The following DGKH variants were observed in gnomAD, a reference collection of about 807,000 sequenced individuals.
DGKH encodes diacylglycerol kinase eta, also known as DAG kinase eta.
A neutral mutation model predicts 159.3 loss-of-function variants in DGKH; 90 were observed. That is an observed-to-expected ratio of 0.57 (90% CI 0.48 to 0.67). The LOEUF (loss-of-function observed/expected upper bound fraction) is 0.67, where lower values mean the gene tolerates loss of function less well. Ranked by LOEUF, DGKH falls within the 30% of genes least tolerant of loss-of-function variation. The pLI is 0.00. For synonymous variants in DGKH, 536 were observed against 553.8 expected (o/e 0.97, Z 0.45); for missense variants, 1,181 against 1,506.1 (o/e 0.78, Z 3.57).
rs557572628 is a variant in DGKH at position 42,242,205 on chromosome 13, T to C, written c.*13017T>C. 6.6e-6 allele frequency: 1 copy of C among 152,378 alleles called. No individual in the cohort carries two copies. Among genetic ancestry groups the C allele is most frequent in the South Asian group, 2.1e-4 (1 of 4,834 alleles). The allele number at this position is 152,378 out of a possible 1,614,324, so 9.4% of individuals were successfully genotyped here. On this transcript the variant is annotated 3_prime_UTR_variant, in exon 30 of 30. Transcript: ENST00000337343. ...CAGAAATCATTTGCCTCTTGTTTAT[T>C]ATCATGTTGAAAACACAACAGTATA...
chr13:42,103,486 TC>T (rs1274352240), intron 1 of DGKH, among the ~76,000 whole-genome samples: 1 of 152,198 alleles, frequency 6.6e-6, no homozygotes, highest in Non-Finnish European at 1.5e-5. Context: ...CTGACTCACT[TC>T]CCTCTGCGAT....
intron 1 of DGKH, among the ~76,000 whole-genome samples, chr13:42,088,735 T>G (rs1014818171): frequency 2.0e-5 from 3 of 152,188 alleles, no homozygotes; most frequent in Admixed American, 6.5e-5. Flanking sequence ...GAGACCAATA[T>G]TAAACAGCAA....
rs375482961 is a variant in DGKH at position 42,160,161 on chromosome 13, C to T, written c.855+25C>T. 4.1e-5 allele frequency: 66 copies of T among 1,613,832 alleles called. 1 individual carries two copies. The African/African-American group carries it at 8.1e-4, about 20-fold the overall frequency. On this transcript the variant is annotated intron_variant, in intron 7 of 29. Transcript: ENST00000337343. ...GGTGAGGGTTTTGGAATCAGTTCATCCTTTTTAATTAGCTTCTTTCCCTAA... is the reference window on the plus strand; with the variant it reads ...GGTGAGGGTTTTGGAATCAGTTCATTCTTTTTAATTAGCTTCTTTCCCTAA...
At chr13:42,207,133 C>A (rs1566192617) in intron 21 of DGKH, among the ~76,000 whole-genome samples, 16 of 29,320 alleles carry the variant, frequency 5.5e-4, no homozygotes, top group Non-Finnish European at 8.7e-4. Flanking sequence ...CTCCTTCCTT[C>A]CTTCCTTCCT....
At chr13:42,165,846 T>G (rs1246136954) in intron 8 of DGKH, among the ~76,000 whole-genome samples, 1 of 152,148 alleles carries the variant, frequency 6.6e-6, no homozygotes. Context: ...AATGCACTTT[T>G]CCCAAAATCT....
Position 42,127,401 on chromosome 13 carries a change from T to C in DGKH, c.193-62T>C. ...GTTAATGAAAATGCACCATTGGCTC[T>C]GAATTTCATTTGGTTTTGAATTTCA... On this transcript the variant is annotated intron_variant, in intron 1 of 29. Transcript: ENST00000337343. 4.9e-6 allele frequency: 6 copies of C among 1,236,088 alleles called. No individual in the cohort carries two copies. In the South Asian group the frequency reaches 7.5e-5, roughly 15 times the overall value. 76.6% of individuals were successfully genotyped at this position (1,236,088 alleles called of 1,614,324 possible).
chr13:42,188,949 A>G, intron 14 of DGKH, 87 bp from the exon 15 acceptor site: 1 of 1,463,326 alleles, frequency 6.8e-7, no homozygotes. Flanking sequence ...TAAACTTTCA[A>G]AACATCTCTA....
At chr13:42,180,172 C>T (rs2138066348) in intron 13 of DGKH, among the ~76,000 whole-genome samples, 1 of 152,334 alleles carries the variant, frequency 6.6e-6, no homozygotes, top group East Asian at 1.9e-4. Flanking sequence ...ACATTTGATT[C>T]ACAGGGCAAG....
At chr13:42,167,838 T>A (rs1566151594) in intron 9 of DGKH, among the ~76,000 whole-genome samples, 1 of 152,212 alleles carries the variant, frequency 6.6e-6, no homozygotes, top group Non-Finnish European at 1.5e-5. Flanking sequence ...TGAAACTTCC[T>A]GAGATTGTCC....
intron 1 of DGKH, among the ~76,000 whole-genome samples, chr13:42,126,956 G>A (rs931329177): frequency 2.6e-5 from 4 of 152,128 alleles, no homozygotes; most frequent in African/African-American, 9.7e-5. Flanking sequence ...CCTTTAACGT[G>A]TTTTTCATTT....
intron 1 of DGKH, among the ~76,000 whole-genome samples, chr13:42,072,461 T>G (rs1434310602): frequency 6.6e-6 from 1 of 152,152 alleles, no homozygotes; most frequent in African/African-American, 2.4e-5. Context: ...ATTATTGTAT[T>G]GATGTTAAAA....
intron 1 of DGKH, among the ~76,000 whole-genome samples, chr13:42,101,227 A>C (rs1296796829): frequency 6.6e-6 from 1 of 152,176 alleles, no homozygotes; most frequent in African/African-American, 2.4e-5. Flanking sequence ...TCTTTAGTTC[A>C]TTGACTTACA....
intron 14 of DGKH, among the ~76,000 whole-genome samples, chr13:42,188,580 G>A (rs1363419415): frequency 6.6e-6 from 1 of 152,038 alleles, no homozygotes; most frequent in African/African-American, 2.4e-5. Flanking sequence ...TTGATCCAAT[G>A]TTTTGTGTAA....
intron 3 of DGKH, among the ~76,000 whole-genome samples, chr13:42,134,800 C>A (rs761896803): frequency 1.3e-5 from 2 of 151,886 alleles, no homozygotes; most frequent in Non-Finnish European, 2.9e-5. Flanking sequence ...GCTAGGCGAA[C>A]CCCCCTTGTC....
Position 42,199,794 on chromosome 13 carries a change from T to C in DGKH, c.2397-19T>C. ...ATAAATAAAATTTCCTGAAATTGCCTGCCAATATTTATTTTCAGGAGCCGA... is the reference window on the plus strand; with the variant it reads ...ATAAATAAAATTTCCTGAAATTGCCCGCCAATATTTATTTTCAGGAGCCGA... On this transcript the variant is annotated intron_variant, in intron 19 of 29. Coordinates refer to ENST00000337343, the MANE Select transcript of DGKH (RefSeq NM_178009.5). 1 of 1,590,688 alleles carries C rather than the reference T, an allele frequency of 6.3e-7. No homozygotes were observed. The highest frequency in any genetic ancestry group is 8.5e-7 in the Non-Finnish European group (1 of 1,173,008).
Position 42,233,013 on chromosome 13 carries a change from C to G in DGKH, c.*3825C>G, listed in dbSNP as rs1263967246. The G allele has an allele frequency of 6.6e-6, 1 of 152,220 alleles. No homozygotes were observed. Among genetic ancestry groups the G allele is most frequent in the African/African-American group, 2.4e-5 (1 of 41,432 alleles). The allele number at this position is 152,220 out of a possible 1,614,324, so 9.4% of individuals were successfully genotyped here. A position where few individuals can be genotyped will look rare whatever the true frequency, so the allele number is the denominator to read the frequency against. Reference sequence around the variant, plus strand: ...AGGCATGGTGGCATGCGCCTGTAGTCCCAGCTATTCTGAAGGCTGAGGTGG... The same window carrying G: ...AGGCATGGTGGCATGCGCCTGTAGTGCCAGCTATTCTGAAGGCTGAGGTGG... On this transcript the variant is annotated 3_prime_UTR_variant, in exon 30 of 30. Coordinates refer to ENST00000337343, the MANE Select transcript of DGKH (RefSeq NM_178009.5).
chr13:42,214,692 A>G, intron 25 of DGKH, 80 bp downstream of exon 25: 1 of 1,322,454 alleles, frequency 7.6e-7, no homozygotes, highest in South Asian at 1.6e-5. Context: ...AAAATATGCC[A>G]CGCCCTGTGA....
rs866525346 is a variant in DGKH, at chr13:42,183,918, C to T, written c.1539-3131C>T. ...TAATTAGGTTTTTTACTTACGCACTCTACTCACCCCCCAAGTTTTGAAATA... is the reference window on the plus strand; with the variant it reads ...TAATTAGGTTTTTTACTTACGCACTTTACTCACCCCCCAAGTTTTGAAATA... On this transcript the variant is annotated intron_variant, in intron 13 of 29. Coordinates refer to ENST00000337343, the MANE Select transcript of DGKH (RefSeq NM_178009.5). Among the ~76,000 whole-genome samples, 2 of 152,328 alleles carry T rather than the reference C, an allele frequency of 1.3e-5. 1 individual carries two copies. Among genetic ancestry groups the T allele is most frequent in the South Asian group, 4.1e-4 (2 of 4,828 alleles).
At chr13:42,101,319 A>C (rs1200177425) in intron 1 of DGKH, among the ~76,000 whole-genome samples, 1 of 152,232 alleles carries the variant, frequency 6.6e-6, no homozygotes, top group Non-Finnish European at 1.5e-5. Context: ...GCACCAAATG[A>C]TACAGCATTA....
Sources: gnomAD v4.1 joint callset for allele counts (sites outside exome capture counted in the v4.1 genomes callset) on GRCh38, gnomAD v4.1.1 for gene constraint, MANE v1.5 for transcripts, NCBI Gene and HGNC (gene_info 2026-07-23, HGNC 2026-07-21) for gene names.